The following NCAM2 variants were observed in gnomAD, a reference collection of about 807,000 sequenced individuals.
The protein encoded by NCAM2 is neural cell adhesion molecule 2.
A neutral mutation model predicts 98.1 loss-of-function variants in NCAM2; 30 were observed. That is an observed-to-expected ratio of 0.31 (90% CI 0.23 to 0.41). NCAM2 has a LOEUF of 0.41. NCAM2 is among the 10% of genes least tolerant of loss of function. NCAM2 has a pLI of 1.00. For synonymous variants in NCAM2, 368 were observed against 342.4 expected (o/e 1.07, Z -0.83); for missense variants, 867 against 1,005.8 (o/e 0.86, Z 1.87).
At chr21:21,458,448 G>A (rs1474085165) in intron 12 of NCAM2, among the ~76,000 whole-genome samples, 1 of 152,192 alleles carries the variant, frequency 6.6e-6, no homozygotes, top group Non-Finnish European at 1.5e-5. Flanking sequence ...GTGGGGCTCA[G>A]GCACTGAGCA....
At chr21:21,385,359 T>C (rs1227293434) in intron 9 of NCAM2, among the ~76,000 whole-genome samples, 1 of 136,240 alleles carries the variant, frequency 7.3e-6, no homozygotes, top group Non-Finnish European at 1.6e-5. Flanking sequence ...ACAAAGACAT[T>C]ACACAATGTT....
intron 1 of NCAM2, among the ~76,000 whole-genome samples, chr21:21,197,577 G>A (rs2069050447): frequency 6.6e-6 from 1 of 152,114 alleles, no homozygotes; most frequent in Non-Finnish European, 1.5e-5. Context: ...TATGTTAAGA[G>A]GCATAGAAAT....
intron 1 of NCAM2, among the ~76,000 whole-genome samples, chr21:21,265,824 G>A (rs1376033795): frequency 1.3e-5 from 2 of 151,942 alleles, no homozygotes; most frequent in Non-Finnish European, 2.9e-5. Flanking sequence ...TCACCATTTG[G>A]GTGATGGGCT....
At chr21:21,374,320 A>G (rs1000972147) in intron 9 of NCAM2, among the ~76,000 whole-genome samples, 1 of 151,836 alleles carries the variant, frequency 6.6e-6, no homozygotes, top group African/African-American at 2.4e-5. Context: ...TAATTGGTCG[A>G]TATCACTTTA....
intron 1 of NCAM2, among the ~76,000 whole-genome samples, chr21:21,156,785 CTAAACA>C (rs1231495109): frequency 6.6e-6 from 1 of 151,954 alleles, no homozygotes; most frequent in Non-Finnish European, 1.5e-5. Flanking sequence ...GGATATAAAC[CTAAACA>C]TAAAGTTACA....
chr21:21,351,741 CTGTTTTGTTT>C (rs564372770), intron 8 of NCAM2, among the ~76,000 whole-genome samples: 2 of 151,814 alleles, frequency 1.3e-5, no homozygotes, highest in African/African-American at 4.8e-5. Flanking sequence ...TTGTTTGTTT[CTGTTTTGTTT>C]TGTTTTGTTT....
rs1989891099 is a variant in NCAM2, at chr21:21,534,733, A to G, written c.2402+77A>G. Reference sequence around the variant, plus strand: ...TAACACATTATTATTGTTGTATTACATATTTAAATATTAATTATTTGTAAA... The same window carrying G: ...TAACACATTATTATTGTTGTATTACGTATTTAAATATTAATTATTTGTAAA... On this transcript the variant is annotated intron_variant, in intron 17 of 17. Coordinates refer to ENST00000400546, the MANE Select transcript of NCAM2 (RefSeq NM_004540.5). 1.4e-5 allele frequency: 16 copies of G among 1,177,700 alleles called. No homozygotes were observed. The South Asian group carries it at 4.3e-4, about 31-fold the overall frequency. 73.0% of individuals were successfully genotyped at this position (1,177,700 alleles called of 1,614,324 possible).
intron 1 of NCAM2, among the ~76,000 whole-genome samples, chr21:21,226,334 T>C (rs374711264): frequency 2.0e-5 from 3 of 152,134 alleles, no homozygotes; most frequent in South Asian, 2.1e-4. Context: ...TAAAATACTT[T>C]AGTTTTGGAT....
chr21:21,481,857 A>G (rs116511220), intron 15 of NCAM2, among the ~76,000 whole-genome samples: 4 of 152,170 alleles, frequency 2.6e-5, no homozygotes, highest in Non-Finnish European at 5.9e-5. Flanking sequence ...TAATCCCAGC[A>G]CTTTGGGAAG....
intron 1 of NCAM2, among the ~76,000 whole-genome samples, chr21:21,191,315 T>C (rs1168256253): frequency 6.6e-6 from 1 of 152,212 alleles, no homozygotes; most frequent in Non-Finnish European, 1.5e-5. Flanking sequence ...TTATAGGCTA[T>C]AAGACCAATG....
At chr21:21,447,656 T>G (rs970646369) in intron 12 of NCAM2, among the ~76,000 whole-genome samples, 1 of 151,838 alleles carries the variant, frequency 6.6e-6, no homozygotes, top group African/African-American at 2.4e-5. Flanking sequence ...CTGACAAAAG[T>G]CTGATATCCA....
intron 5 of NCAM2, among the ~76,000 whole-genome samples, chr21:21,322,929 A>T (rs1462582339): frequency 6.6e-6 from 1 of 152,200 alleles, no homozygotes. Flanking sequence ...TAATAGAACT[A>T]CTTCACTATA....
intron 1 of NCAM2, among the ~76,000 whole-genome samples, chr21:21,125,683 T>C (rs886373226): frequency 3.4e-5 from 4 of 118,498 alleles, no homozygotes; most frequent in Non-Finnish European, 6.9e-5. Flanking sequence ...TATAGAGATA[T>C]ATATGTAATA....
rs540427787 is a variant in NCAM2, at chr21:21,369,174, A to G, written c.1045-4689A>G. ...AACATTATTCTACTTTTTTGTATCT[A>G]TAGATTTGCCTATTCTGGAAATTTC... On this transcript the variant is annotated intron_variant, in intron 8 of 17. Coordinates refer to ENST00000400546, the MANE Select transcript of NCAM2 (RefSeq NM_004540.5). Among the ~76,000 whole-genome samples, 10 of 151,646 alleles carry G rather than the reference A, an allele frequency of 6.6e-5. No individual in the cohort carries two copies. In the East Asian group the frequency reaches 1.4e-3, roughly 21 times the overall value.
intron 8 of NCAM2, among the ~76,000 whole-genome samples, chr21:21,369,575 C>A (rs1428160209): frequency 6.6e-6 from 1 of 151,836 alleles, no homozygotes; most frequent in East Asian, 1.9e-4. Context: ...ACTCACAGGG[C>A]ATGAGGGTGC....
intron 8 of NCAM2, among the ~76,000 whole-genome samples, chr21:21,361,565 G>A (rs540838053): frequency 1.6e-3 from 242 of 151,518 alleles, no homozygotes; most frequent in Non-Finnish European, 2.4e-3. Flanking sequence ...ATTTTTTCTT[G>A]GATTTCTCTA....
chr21:21,284,361 G>C lies in NCAM2; in HGVS notation c.298G>C (p.Gly100Arg), dbSNP rs1470626957. The C allele has an allele frequency of 6.2e-7, 1 of 1,612,444 alleles. No homozygotes were observed. The highest frequency in any genetic ancestry group is 2.2e-5 in the East Asian group (1 of 44,778). Residue 100 changes from glycine to arginine, a missense_variant, in exon 3 of 18, where the codon GGA becomes CGA. Coordinates refer to ENST00000400546, the MANE Select transcript of NCAM2 (RefSeq NM_004540.5). ...IYRCQATDAK[G>R]QTQEATVVLE... The stretch of plus-strand genomic sequence containing the variant: ...TCGTTGTCAAGCAACAGATGCCAAA[G>C]GACAAACACAAGAAGCTACAGTAGT...
Position 21,324,462 on chromosome 21 carries a change from G to C in NCAM2, c.699G>C (p.Arg233Ser), listed in dbSNP as rs1484821199. Residue 233 changes from arginine to serine, a missense_variant, in exon 6 of 18, where the codon AGG (arginine) becomes AGC (serine). This residue lies in a region of NCAM2 where 447 missense variants were observed against 495.7 expected (regional missense o/e 0.90). Transcript: ENST00000400546. Reference sequence around the variant, plus strand: ...GAGAAGAAATGACATTTTCCTGCAGGGCCTCAGGCTCTCCAGAACCCGCCA... The same window carrying C: ...GAGAAGAAATGACATTTTCCTGCAGCGCCTCAGGCTCTCCAGAACCCGCCA... ...ERGEEMTFSCRASGSPEPAIS... is the reference protein window; with the variant it reads ...ERGEEMTFSCSASGSPEPAIS... 2 of 1,613,304 alleles carry C rather than the reference G, an allele frequency of 1.2e-6. No homozygotes were observed. The highest frequency in any genetic ancestry group is 2.2e-5 in the South Asian group (2 of 91,032).
intron 10 of NCAM2, among the ~76,000 whole-genome samples, chr21:21,411,037 C>CACATAT (rs1555889821): frequency 0.018 from 941 of 53,292 alleles, 77 homozygotes; most frequent in African/African-American, 0.072. Context: ...TATATACACA[C>CACATAT]ATATATATAT....
Sources: allele counts gnomAD v4.1 joint callset (sites outside exome capture counted in the v4.1 genomes callset), GRCh38; gene constraint gnomAD v4.1.1; regional missense constraint gnomAD v4.1.1; transcripts MANE v1.5; gene names NCBI Gene and HGNC (gene_info 2026-07-23, HGNC 2026-07-21).